Variants in AURKB observed in about 807,000 individuals in gnomAD.
The protein encoded by AURKB is aurora kinase B, also known as aurora kinase B-Sv1.
AURKB carries 28 observed loss-of-function variants against 36.5 expected under a neutral mutation model. The ratio of observed to expected loss-of-function variants is 0.77; its 90% CI spans 0.57 to 1.05. The LOEUF (loss-of-function observed/expected upper bound fraction) is 1.05, where lower values mean the gene tolerates loss of function less well. AURKB is among the 50% of genes least tolerant of loss of function. The pLI, the probability that AURKB is intolerant of heterozygous loss-of-function variation, is 0.00. For missense variants in AURKB, 383 were observed against 447.4 expected (o/e 0.86, Z 1.30); for synonymous variants, 175 against 172.9 (o/e 1.01, Z -0.09).
Position 8,207,380 on chromosome 17 carries a change from T to C in AURKB, c.207-13A>G, listed in dbSNP as rs142166948. The C allele has an allele frequency of 2.3e-4, 372 of 1,610,104 alleles. 1 individual carries two copies. In the Middle Eastern group the frequency reaches 2.5e-3, roughly 11 times the overall value. ...TGTGAAGTGCCGCCTGCTTAGAAAG[T>C]GGAGGAAGGCAACTCAGAACCGGTT... On this transcript the variant is annotated splice_polypyrimidine_tract_variant and intron_variant, in intron 4 of 8. Transcript: ENST00000585124.
chr17:8,207,300 A>G lies in AURKB; in HGVS notation c.274T>C (p.Tyr92His), dbSNP rs780305148. Residue 92 changes from tyrosine to histidine, a missense_variant, in exon 5 of 9, where the codon TAC (tyrosine) becomes CAC (histidine). Tyr to His is a moderately conservative substitution (Grantham distance 83). Around this residue, in one of 3 missense-constraint regions of AURKB, gnomAD observed 59 missense variants for 99.0 expected, o/e 0.60. Transcript: ENST00000585124. The part of the protein sequence containing the change: ...PLGKGKFGNV[Y>H]LAREKKSHFI... Reference sequence around the variant, plus strand: ...TGGCTTTTCTTCTCCCGAGCCAAGTACACGTTTCCAAACTTGCCTTTGCCC... The same window carrying G: ...TGGCTTTTCTTCTCCCGAGCCAAGTGCACGTTTCCAAACTTGCCTTTGCCC... The G allele has an allele frequency of 1.2e-6, 2 of 1,614,178 alleles. No individual in the cohort carries two copies. Among genetic ancestry groups the G allele is most frequent in the Non-Finnish European group, 1.7e-6 (2 of 1,180,032 alleles).
intron 2 of AURKB, 172 bp downstream of exon 2, chr17:8,210,005 T>C (rs1277517590): frequency 1.4e-5 from 11 of 814,424 alleles, no homozygotes; most frequent in African/African-American, 3.4e-5. Flanking sequence ...CCTGACAGGA[T>C]GTGGCTACAA....
chr17:8,207,760 G>T lies in AURKB; in HGVS notation c.129C>A (p.Ser43Arg). 3 of 1,614,138 alleles carry T rather than the reference G, an allele frequency of 1.9e-6. No individual in the cohort carries two copies. The highest frequency in any genetic ancestry group is 2.5e-6 in the Non-Finnish European group (3 of 1,180,022). The part of the protein sequence containing the change: ...PVTPSALVLM[S>R]RSNVQPTAAP... Reference sequence around the variant, plus strand: ...TACCTGTGGGCTGGACATTGGAGCGGCTCATGAGGACAAGTGCAGATGGGG... The same window carrying T: ...TACCTGTGGGCTGGACATTGGAGCGTCTCATGAGGACAAGTGCAGATGGGG... The change falls in exon 3 of 9, where the codon AGC becomes AGA. Residue 43 changes from serine (S) to arginine (R), a missense_variant. By Grantham distance (110) the Ser-to-Arg change is moderately radical. Around this residue, in one of 3 missense-constraint regions of AURKB, gnomAD observed 105 missense variants for 95.7 expected, o/e 1.10. Coordinates refer to ENST00000585124, the MANE Select transcript of AURKB (RefSeq NM_004217.4).
chr17:8,207,117 A>C, intron 5 of AURKB, 59 bp downstream of exon 5: 1 of 1,562,152 alleles, frequency 6.4e-7, no homozygotes, highest in Non-Finnish European at 8.7e-7. Context: ...GTGGGGCTGA[A>C]TGAGGAGCTG....
chr17:8,209,535 A>G (rs1194357135), intron 2 of AURKB, among the ~76,000 whole-genome samples: 1 of 152,184 alleles, frequency 6.6e-6, no homozygotes, highest in Non-Finnish European at 1.5e-5. Flanking sequence ...CAGCCAAGAG[A>G]AGAAAGCCCC....
At position 8,206,350 on chromosome 17, in the gene AURKB, C is replaced by CG; in HGVS notation, c.686+140dup. ...TTCATCATGTTGGCAAATCTAGTCTCGAACTCCTGACCTCAGGTGATCCGC... is the reference window on the plus strand; with the variant it reads ...TTCATCATGTTGGCAAATCTAGTCTCGGAACTCCTGACCTCAGGTGATCCGC... On this transcript the variant is annotated intron_variant, in intron 7 of 8. Coordinates refer to ENST00000585124, the MANE Select transcript of AURKB (RefSeq NM_004217.4). This position sits in a 1 kb window ranked among gnomAD's most constrained non-coding sequence, Gnocchi z 4.2. 2.0e-6 allele frequency: 2 copies of CG among 1,015,548 alleles called. No homozygotes were observed. Among genetic ancestry groups the CG allele is most frequent in the Non-Finnish European group, 2.8e-6 (2 of 715,370 alleles). 62.9% of individuals were successfully genotyped at this position (1,015,548 alleles called of 1,614,324 possible).
In AURKB at chr17:8,210,263, GGAAACAGCCGT is replaced by G. The variant is rs774752189; in HGVS notation, c.-25-25_-25-15del. 6.5e-7 allele frequency: 1 copy of G among 1,530,896 alleles called. No individual in the cohort carries two copies. Among genetic ancestry groups the G allele is most frequent in the Admixed American group, 1.9e-5 (1 of 52,666 alleles). 94.8% of individuals were successfully genotyped at this position (1,530,896 alleles called of 1,614,324 possible). ...GGGGGAGGAGAGCTGGGCGGAGAAG[GGAAACAGCCGT>G]GAGAAGCAGAGAAAAAGAGAGAGAG... On this transcript the variant is annotated splice_polypyrimidine_tract_variant and intron_variant, in intron 1 of 8. Coordinates refer to ENST00000585124, the MANE Select transcript of AURKB (RefSeq NM_004217.4).
rs535100308 is a variant in AURKB at position 8,208,106 on chromosome 17, C to T, written c.49-266G>A. 16 of 307,302 alleles carry T rather than the reference C, an allele frequency of 5.2e-5. No homozygotes were observed. In the South Asian group the frequency reaches 6.2e-4, roughly 12 times the overall value. The allele number at this position is 307,302 out of a possible 1,614,324, so 19.0% of individuals were successfully genotyped here. A position where few individuals can be genotyped will look rare whatever the true frequency, so the allele number is the denominator to read the frequency against. ...GACCAGCCTGGCCAACATGGTGAAA[C>T]GCCATCTCTACTAAAAATATAAAAA... is the stretch of plus-strand genomic sequence containing the variant. On this transcript the variant is annotated intron_variant, in intron 2 of 8. Transcript: ENST00000585124.
chr17:8,207,188 T>A lies in AURKB; in HGVS notation c.386A>T (p.Gln129Leu). 1 of 1,612,224 alleles carries A rather than the reference T, an allele frequency of 6.2e-7. No homozygotes were observed. Among genetic ancestry groups the A allele is most frequent in the Non-Finnish European group, 8.5e-7 (1 of 1,178,500 alleles). ...EHQLRREIEI[Q>L]AHLHHPNILR... ...CATCAACCCATACTGCAGGTGGGCC[T>A]GGATTTCGATCTCTCTGCGCAGCTG... The change falls in exon 5 of 9, where the codon CAG becomes CTG. Residue 129 changes from glutamine (Q) to leucine (L), a missense_variant. By Grantham distance (113) the Gln-to-Leu change is moderately radical. This residue lies in a region of AURKB where 59 missense variants were observed against 99.0 expected (regional missense o/e 0.60). Coordinates refer to ENST00000585124, the MANE Select transcript of AURKB (RefSeq NM_004217.4).
intron 3 of AURKB, 49 bp downstream of exon 3, chr17:8,207,689 A>G (rs1456889998): frequency 6.2e-7 from 1 of 1,613,326 alleles, no homozygotes; most frequent in Admixed American, 1.7e-5. Context: ...AAACCCTCCC[A>G]CAGACGGTCA....
intron 1 of AURKB, 121 bp downstream of exon 1, chr17:8,210,409 C>T: frequency 1.6e-6 from 1 of 629,812 alleles, no homozygotes; most frequent in Non-Finnish European, 2.8e-6. Flanking sequence ...CCCCGCCCTG[C>T]TATCGTCCCT....
Position 8,205,424 on chromosome 17 carries a change from A to G in AURKB, c.687-34T>C, listed in dbSNP as rs374225771. On this transcript the variant is annotated intron_variant, in intron 7 of 8. Transcript: ENST00000585124. ...GATAAGGGGCGTGGGCAGGGGTCCT[A>G]GTGACATAGGAACTCTCCTTTCCCT... is the stretch of plus-strand genomic sequence containing the variant. 1.5e-5 allele frequency: 24 copies of G among 1,607,284 alleles called. No homozygotes were observed. In the African/African-American group the frequency reaches 3.1e-4, roughly 21 times the overall value.
chr17:8,204,997 G>A lies in AURKB; in HGVS notation c.909C>T (p.Leu303=). The part of the protein sequence containing the change: ...PASVPMGAQD[L]ISKLLRHNPS... ...GGTTATGCCTGAGCAGTTTGGAGAT[G>A]AGGTCCTGGGCTCCCATGGGCACGG... The change falls in exon 9 of 9, where the codon CTC becomes CTT. Residue 303 remains leucine (L), a synonymous_variant. Transcript: ENST00000585124. 2 of 1,605,160 alleles carry A rather than the reference G, an allele frequency of 1.2e-6. No individual in the cohort carries two copies. Among genetic ancestry groups the A allele is most frequent in the African/African-American group, 2.7e-5 (2 of 74,104 alleles).
At chr17:8,208,633 A>T (rs7215480) in intron 2 of AURKB, among the ~76,000 whole-genome samples, 3,908 of 92,336 alleles carry the variant, frequency 0.042, 112 homozygotes, top group Admixed American at 0.14. Flanking sequence ...AATAAATAAA[A>T]AATAAATAAC....
chr17:8,207,923 C>G (rs1456220312), intron 2 of AURKB, 83 bp from the exon 3 acceptor site: 13 of 1,174,624 alleles, frequency 1.1e-5, no homozygotes, highest in Non-Finnish European at 1.5e-5. Flanking sequence ...ATTTCAGCCC[C>G]TTGCTAAAGA....
In AURKB at chr17:8,207,809, C is replaced by G. The variant is rs370931710; in HGVS notation, c.80G>C (p.Arg27Pro). 2 of 1,613,892 alleles carry G rather than the reference C, an allele frequency of 1.2e-6. No individual in the cohort carries two copies. Among genetic ancestry groups the G allele is most frequent in the Admixed American group, 1.7e-5 (1 of 59,992 alleles). Residue 27 changes from arginine (R) to proline (P), a missense_variant, in exon 3 of 9, where the codon CGA (arginine) becomes CCA (proline). Transcript: ENST00000585124. ...GGTGACAGGCTCTTTCCGGAGGACT[C>G]GCTGGGGCAGGGTGCTCAGGCCAGA... is the stretch of plus-strand genomic sequence containing the variant. ...APSGLSTLPQ[R>P]VLRKEPVTPS... is the part of the protein sequence containing the mutation.
intron 2 of AURKB, among the ~76,000 whole-genome samples, chr17:8,208,540 G>A (rs1169558121): frequency 6.6e-6 from 1 of 151,750 alleles, no homozygotes; most frequent in African/African-American, 2.4e-5. Context: ...GCAGTGAGCT[G>A]AGATCGCACC....
At chr17:8,210,316 G>A in intron 1 of AURKB, 67 bp from the exon 2 acceptor site, 1 of 1,192,346 alleles carries the variant, frequency 8.4e-7, no homozygotes, top group Non-Finnish European at 1.2e-6. Context: ...GGGTTGGACC[G>A]ATCGAGCCGG....
rs1435096857 is a variant in AURKB at position 8,206,954 on chromosome 17, C to A, written c.399-66G>T. ...AAAGAGCTGGAAAAGATGATAGGAG[C>A]AAACTGGGGTCAGACGTGGCCCAGG... On this transcript the variant is annotated intron_variant, in intron 5 of 8. Transcript: ENST00000585124. This position sits in a 1 kb window ranked among gnomAD's most constrained non-coding sequence, Gnocchi z 4.2. 1 of 1,608,628 alleles carries A rather than the reference C, an allele frequency of 6.2e-7. No homozygotes were observed. The highest frequency in any genetic ancestry group is 2.2e-5 in the East Asian group (1 of 44,878).
Sources: gnomAD v4.1 joint callset for allele counts (sites outside exome capture counted in the v4.1 genomes callset) on GRCh38, gnomAD v4.1.1 for gene constraint, gnomAD v4.1.1 regional missense constraint, Gnocchi (gnomAD v3.1) non-coding constraint, MANE v1.5 for transcripts, NCBI Gene and HGNC (gene_info 2026-07-23, HGNC 2026-07-21) for gene names.